WDR7: variants seen among roughly 807,000 people sequenced by gnomAD.
The protein encoded by WDR7 is WD repeat-containing protein 7.
A neutral mutation model predicts 169.4 loss-of-function variants in WDR7; 46 were observed. The observed-to-expected ratio is 0.27, with a 90% CI of 0.21 to 0.35. The LOEUF (loss-of-function observed/expected upper bound fraction) is 0.35, where lower values mean the gene tolerates loss of function less well. Ranked by LOEUF, WDR7 falls within the 10% of genes least tolerant of loss-of-function variation. The pLI is 1.00. For synonymous variants in WDR7, 612 were observed against 666.8 expected (o/e 0.92, Z 1.27); for missense variants, 1,534 against 1,859.3 (o/e 0.83, Z 3.22).
intron 25 of WDR7, among the ~76,000 whole-genome samples, chr18:56,939,629 AAGAG>A (rs1366369390): frequency 1.3e-5 from 2 of 152,152 alleles, no homozygotes; most frequent in African/African-American, 4.8e-5. Flanking sequence ...AAAAATGAGT[AAGAG>A]AGAACATTCA....
intron 26 of WDR7, chr18:57,009,816 T>G: frequency 1.0e-6 from 1 of 978,484 alleles, no homozygotes; most frequent in Non-Finnish European, 1.2e-6. Flanking sequence ...ATAATCTACA[T>G]CAGACAATTT....
chr18:56,968,002 A>T (rs1262348173), intron 26 of WDR7, among the ~76,000 whole-genome samples: 1 of 152,200 alleles, frequency 6.6e-6, no homozygotes. Context: ...AGTTGATTGA[A>T]TCCAAGGGTG....
intron 20 of WDR7, among the ~76,000 whole-genome samples, chr18:56,830,660 G>A (rs1467618768): frequency 1.3e-5 from 2 of 152,200 alleles, no homozygotes; most frequent in Admixed American, 6.5e-5. Flanking sequence ...GGAAGTTCTG[G>A]CAGATGCCCT....
intron 13 of WDR7, 151 bp from the exon 14 acceptor site, chr18:56,731,232 T>C: frequency 1.4e-6 from 1 of 731,868 alleles, no homozygotes; most frequent in Non-Finnish European, 2.2e-6. Flanking sequence ...CATGGAAGAT[T>C]GTTAGAGGAA....
In WDR7 at chr18:57,028,752, T is replaced by C. The variant is rs1186607739; in HGVS notation, c.*1545T>C. ...GAGCATATTAAGAAATTAAGACCAT[T>C]AGATCATCTCTTTCATAATGATATG... On this transcript the variant is annotated 3_prime_UTR_variant, in exon 28 of 28. Coordinates refer to ENST00000254442, the MANE Select transcript of WDR7 (RefSeq NM_015285.3). 1 of 152,662 alleles carries C rather than the reference T, an allele frequency of 6.6e-6. No homozygotes were observed. The highest frequency in any genetic ancestry group is 1.9e-4 in the East Asian group (1 of 5,200). 9.5% of individuals were successfully genotyped at this position (152,662 alleles called of 1,614,324 possible).
intron 25 of WDR7, among the ~76,000 whole-genome samples, chr18:56,941,447 G>A (rs971774587): frequency 6.6e-6 from 1 of 152,152 alleles, no homozygotes; most frequent in Non-Finnish European, 1.5e-5. Context: ...GGCTTTGCAG[G>A]ATAATTAGGG....
At chr18:56,961,773 A>G (rs141763393) in intron 25 of WDR7, among the ~76,000 whole-genome samples, 2 of 152,184 alleles carry the variant, frequency 1.3e-5, no homozygotes. Context: ...ATAAGTACCA[A>G]ATATGCTTAT....
chr18:56,811,241 CGT>C (rs1290598218), intron 19 of WDR7, among the ~76,000 whole-genome samples: 1 of 152,012 alleles, frequency 6.6e-6, no homozygotes, highest in Non-Finnish European at 1.5e-5. Flanking sequence ...TGTGAATGTT[CGT>C]GTAGATGCTT....
At chr18:57,018,100 G>A (rs537943525) in intron 26 of WDR7, among the ~76,000 whole-genome samples, 29 of 152,202 alleles carry the variant, frequency 1.9e-4, no homozygotes, top group African/African-American at 6.0e-4. Context: ...CCTGCTTACT[G>A]TTATGTTCTC....
At chr18:56,863,469 A>C (rs1270983245) in intron 20 of WDR7, among the ~76,000 whole-genome samples, 1 of 151,702 alleles carries the variant, frequency 6.6e-6, no homozygotes, top group Non-Finnish European at 1.5e-5. Flanking sequence ...GTTTTGAAGG[A>C]GTGTACCTCT....
At position 56,776,799 on chromosome 18, in the gene WDR7, T is replaced by C. The variant is rs1245056253; in HGVS notation, c.2866T>C (p.Ser956Pro). Residue 956 changes from serine (S) to proline (P), a missense_variant, in exon 17 of 28, where the codon TCC (serine) becomes CCC (proline). Physicochemically the swap from Ser to Pro is moderately conservative, Grantham distance 74. Transcript: ENST00000254442. ...TCTGCAAGTTGCTGCACCTGTCGTT[T>C]CCGCTCGGTCTGATGCTGATCACTC... ...QIKQVAAPVV[S>P]ARSDADHSGS... The C allele has an allele frequency of 1.2e-6, 2 of 1,613,896 alleles. No individual in the cohort carries two copies. Among genetic ancestry groups the C allele is most frequent in the African/African-American group, 1.3e-5 (1 of 74,922 alleles).
intron 20 of WDR7, among the ~76,000 whole-genome samples, chr18:56,860,416 C>G (rs961529513): frequency 6.6e-6 from 1 of 152,106 alleles, no homozygotes; most frequent in Non-Finnish European, 1.5e-5. Context: ...TAAATTTGAT[C>G]TATGTTTACA....
chr18:56,931,315 A>G (rs2046881299), intron 22 of WDR7, among the ~76,000 whole-genome samples: 1 of 152,332 alleles, frequency 6.6e-6, no homozygotes, highest in South Asian at 2.1e-4. Flanking sequence ...CTTCATTCAG[A>G]TAGAATCTCA....
intron 16 of WDR7, among the ~76,000 whole-genome samples, chr18:56,766,442 CCTCT>C (rs1377684996): frequency 2.0e-5 from 3 of 152,100 alleles, no homozygotes; most frequent in Non-Finnish European, 4.4e-5. Context: ...GATTATTTTT[CCTCT>C]CTGTGTTTTG....
chr18:57,024,206 G>A (rs1396558032), intron 27 of WDR7, among the ~76,000 whole-genome samples: 2 of 151,914 alleles, frequency 1.3e-5, no homozygotes, highest in Admixed American at 6.6e-5. Context: ...TTTGCAATCA[G>A]GAAAAAGTGA....
intron 26 of WDR7, chr18:57,010,386 T>A: frequency 1.4e-6 from 1 of 710,102 alleles, no homozygotes; most frequent in Non-Finnish European, 1.7e-6. Context: ...TATTCAGCAG[T>A]AGAGTGTCCA....
chr18:56,699,909 G>T (rs2849482), intron 12 of WDR7: 954,441 of 982,116 alleles, frequency 0.97, 468,489 homozygotes, highest in Non-Finnish European at 1. Context: ...CCACATACAT[G>T]TCAGTAGGTA....
At chr18:56,883,583 G>A (rs537085531) in intron 21 of WDR7, among the ~76,000 whole-genome samples, 310 of 151,088 alleles carry the variant, frequency 2.1e-3, no homozygotes, top group African/African-American at 7.1e-3. Context: ...CTTTAGTCGT[G>A]ATTTCTGAGA....
At chr18:56,737,809 G>A (rs570845505) in intron 14 of WDR7, among the ~76,000 whole-genome samples, 32 of 152,084 alleles carry the variant, frequency 2.1e-4, no homozygotes, top group African/African-American at 5.8e-4. Context: ...CATTGTGTAC[G>A]GGATACCAGG....
Sources: gnomAD v4.1 joint callset for allele counts (sites outside exome capture counted in the v4.1 genomes callset) on GRCh38, gnomAD v4.1.1 for gene constraint, MANE v1.5 for transcripts, NCBI Gene and HGNC (gene_info 2026-07-23, HGNC 2026-07-21) for gene names.